Variants in C10orf143 observed in about 807,000 individuals in gnomAD.
The protein encoded by C10orf143 is uncharacterized protein C10orf143.
intron 3 of C10orf143, 98 bp downstream of exon 3, chr10:130,079,468 G>A: frequency 2.5e-6 from 1 of 398,030 alleles, no homozygotes; most frequent in East Asian, 3.6e-5. Context: ...TCATTCTTCA[G>A]AAACATAATT....
intron 3 of C10orf143, among the ~76,000 whole-genome samples, chr10:130,045,370 GA>G (rs958218716): frequency 3.3e-5 from 5 of 152,232 alleles, no homozygotes; most frequent in Non-Finnish European, 4.4e-5. Context: ...AACAGAAAAG[GA>G]AACCCGCACA....
At chr10:130,076,997 C>T (rs1861129022) in intron 3 of C10orf143, among the ~76,000 whole-genome samples, 2 of 152,090 alleles carry the variant, frequency 1.3e-5, no homozygotes, top group Non-Finnish European at 2.9e-5. Flanking sequence ...ACATTCATTT[C>T]GATCATCAGT....
chr10:130,068,104 C>T (rs947818929), intron 3 of C10orf143: 2 of 152,650 alleles, frequency 1.3e-5, no homozygotes, highest in Non-Finnish European at 2.9e-5. Flanking sequence ...TGTTGCCTGC[C>T]CCAAATCCCC....
intron 1 of C10orf143, among the ~76,000 whole-genome samples, chr10:130,088,906 C>T (rs1861336141): frequency 6.6e-6 from 1 of 152,174 alleles, no homozygotes; most frequent in South Asian, 2.1e-4. Context: ...AGTTAGGATT[C>T]TCACACTGAA....
chr10:130,057,096 T>C (rs72843821), intron 3 of C10orf143, among the ~76,000 whole-genome samples: 1 of 149,492 alleles, frequency 6.7e-6, no homozygotes, highest in Non-Finnish European at 1.5e-5. Flanking sequence ...TTCACCGTGT[T>C]GCCCACGCTG....
At chr10:130,042,483 T>C (rs1026806063) in intron 3 of C10orf143, among the ~76,000 whole-genome samples, 2 of 152,204 alleles carry the variant, frequency 1.3e-5, no homozygotes, top group Non-Finnish European at 2.9e-5. Flanking sequence ...CCTGGACAAT[T>C]AGCTGGCGTG....
rs534747905 is a variant in C10orf143 at position 130,074,700 on chromosome 10, A to G, written c.297+4866T>C. 2.0e-5 allele frequency among the ~76,000 whole-genome samples: 3 copies of G among 152,320 alleles called. No homozygotes were observed. In the South Asian group the frequency reaches 6.2e-4, roughly 32 times the overall value. ...ATGTAGGTGTAGAAAGCAATGACCA[A>G]TAATGTACAAATATGTAAACAAAAT... On this transcript the variant is annotated intron_variant, in intron 3 of 3. Coordinates refer to ENST00000637128, the MANE Select transcript of C10orf143 (RefSeq NM_001355042.2).
chr10:130,088,298 CACTTGAA>C (rs1304519182), intron 1 of C10orf143, among the ~76,000 whole-genome samples: 15 of 152,256 alleles, frequency 9.9e-5, no homozygotes, highest in African/African-American at 3.6e-4. Flanking sequence ...GAAGGAGAAT[CACTTGAA>C]CCCGGGAGGC....
At chr10:130,053,565 C>A (rs923450749) in intron 3 of C10orf143, among the ~76,000 whole-genome samples, 3 of 152,160 alleles carry the variant, frequency 2.0e-5, no homozygotes, top group African/African-American at 7.2e-5. Context: ...GAGACCCCCA[C>A]AGGAATATTT....
rs574435161 is a variant in C10orf143, at chr10:130,065,889, T to C, written c.298-1506A>G. ...CAGAGTCAGTGGAAGCCTGGGAGGC[T>C]CACTTGGAGGTGCCGTGGGGTGCGC... On this transcript the variant is annotated intron_variant, in intron 3 of 3. Transcript: ENST00000637128. This position sits in a 1 kb window ranked among gnomAD's most constrained non-coding sequence, Gnocchi z 4.2. The C allele has an allele frequency of 3.7e-3, 562 of 152,186 alleles. 2 individuals carry two copies. Among genetic ancestry groups the C allele is most frequent in the Non-Finnish European group, 5.8e-3 (392 of 68,056 alleles). The allele number at this position is 152,186 out of a possible 1,614,324, so 9.4% of individuals were successfully genotyped here.
At chr10:130,083,926 C>A (rs1403194091) in intron 1 of C10orf143, among the ~76,000 whole-genome samples, 1 of 151,936 alleles carries the variant, frequency 6.6e-6, no homozygotes, top group Non-Finnish European at 1.5e-5. Flanking sequence ...GGGAGAGGAA[C>A]CCAAGTGGAA....
At chr10:130,093,942 G>A (rs574349275) in intron 1 of C10orf143, among the ~76,000 whole-genome samples, 6 of 151,308 alleles carry the variant, frequency 4.0e-5, no homozygotes, top group South Asian at 2.1e-4. Flanking sequence ...CCCGGGAGGC[G>A]GAGCTTGCAG....
At chr10:130,093,130 A>T (rs1564966979) in intron 1 of C10orf143, among the ~76,000 whole-genome samples, 1 of 152,220 alleles carries the variant, frequency 6.6e-6, no homozygotes, top group Non-Finnish European at 1.5e-5. Flanking sequence ...TCTCAGCACC[A>T]CATTGCACTT....
intron 1 of C10orf143, among the ~76,000 whole-genome samples, chr10:130,091,492 A>T (rs1861381975): frequency 6.6e-6 from 1 of 152,206 alleles, no homozygotes; most frequent in Admixed American, 6.5e-5. Flanking sequence ...AATTCCAAAA[A>T]CCAGAATGCC....
At chr10:130,036,148 G>C (rs565648364) in intron 3 of C10orf143, among the ~76,000 whole-genome samples, 1 of 152,308 alleles carries the variant, frequency 6.6e-6, no homozygotes, top group South Asian at 2.1e-4. Context: ...ATTTTAGGGG[G>C]ACCCAATTCA....
chr10:130,092,263 A>G (rs2134790061), intron 1 of C10orf143, among the ~76,000 whole-genome samples: 1 of 152,354 alleles, frequency 6.6e-6, no homozygotes, highest in African/African-American at 2.4e-5. Flanking sequence ...CCAATATTCA[A>G]CATTCTTAAA....
chr10:130,090,519 T>C (rs1861364103), intron 1 of C10orf143, among the ~76,000 whole-genome samples: 1 of 150,998 alleles, frequency 6.6e-6, no homozygotes, highest in Admixed American at 6.6e-5. Flanking sequence ...ACTGCAGGAG[T>C]TTTTTTTCAT....
chr10:130,039,931 G>A (rs1860587440), intron 3 of C10orf143, among the ~76,000 whole-genome samples: 1 of 152,202 alleles, frequency 6.6e-6, no homozygotes, highest in African/African-American at 2.4e-5. Flanking sequence ...AATGTGCAGG[G>A]TTTGGGATAA....
intron 1 of C10orf143, among the ~76,000 whole-genome samples, chr10:130,087,628 T>C (rs1046313069): frequency 6.6e-6 from 1 of 152,168 alleles, no homozygotes; most frequent in Non-Finnish European, 1.5e-5. Flanking sequence ...CCGGAGGTGA[T>C]GGTCCCAAGT....
Sources: allele counts gnomAD v4.1 joint callset (sites outside exome capture counted in the v4.1 genomes callset), GRCh38; gene constraint gnomAD v4.1.1; non-coding constraint Gnocchi (gnomAD v3.1); transcripts MANE v1.5; gene names NCBI Gene and HGNC (gene_info 2026-07-23, HGNC 2026-07-21).